Variants in SEMA5A observed in about 807,000 individuals in gnomAD.
SEMA5A encodes semaphorin-5A.
A neutral mutation model predicts 135.5 loss-of-function variants in SEMA5A; 55 were observed. The ratio of observed to expected loss-of-function variants is 0.41; its 90% CI spans 0.33 to 0.51. The LOEUF is 0.51. Ranked by LOEUF, SEMA5A falls within the 20% of genes least tolerant of loss-of-function variation. The pLI, the probability that SEMA5A is intolerant of heterozygous loss-of-function variation, is 0.37. For missense variants in SEMA5A, 1,290 were observed against 1,419.9 expected (o/e 0.91, Z 1.47); for synonymous variants, 580 against 546.5 (o/e 1.06, Z -0.85).
intron 5 of SEMA5A, among the ~76,000 whole-genome samples, chr5:9,243,768 C>T (rs921106053): frequency 6.6e-6 from 1 of 152,162 alleles, no homozygotes; most frequent in Non-Finnish European, 1.5e-5. Context: ...TATTAAGTGG[C>T]AGCCCCAGGA....
At chr5:9,405,868 T>G (rs1174573217) in intron 2 of SEMA5A, among the ~76,000 whole-genome samples, 1 of 152,080 alleles carries the variant, frequency 6.6e-6, no homozygotes, top group Non-Finnish European at 1.5e-5. Context: ...CACCAACTCA[T>G]CCACGGTGAG....
chr5:9,269,684 G>A (rs375757431), intron 5 of SEMA5A, among the ~76,000 whole-genome samples: 17 of 152,170 alleles, frequency 1.1e-4, no homozygotes, highest in East Asian at 7.7e-4. Context: ...TAAAATGTAA[G>A]ATTATACATG....
chr5:9,437,553 C>T (rs1460204193), intron 2 of SEMA5A, among the ~76,000 whole-genome samples: 1 of 152,082 alleles, frequency 6.6e-6, no homozygotes, highest in Non-Finnish European at 1.5e-5. Context: ...GATAGAATTT[C>T]ACCATGTTGG....
chr5:9,045,587 T>C (rs1305627658), intron 21 of SEMA5A, among the ~76,000 whole-genome samples: 2 of 152,208 alleles, frequency 1.3e-5, no homozygotes, highest in African/African-American at 2.4e-5. Context: ...TCAGCACACA[T>C]GTGTGCTGGT....
At chr5:9,285,472 T>C (rs1365098982) in intron 5 of SEMA5A, among the ~76,000 whole-genome samples, 5 of 152,212 alleles carry the variant, frequency 3.3e-5, no homozygotes, top group Admixed American at 3.3e-4. Context: ...CAAGAAACTC[T>C]TTAGTCTCTC....
chr5:9,354,531 G>A (rs531525205), intron 3 of SEMA5A, among the ~76,000 whole-genome samples: 48 of 152,084 alleles, frequency 3.2e-4, no homozygotes, highest in African/African-American at 5.8e-4. Context: ...TCACTAGACC[G>A]TCTGCTCCCA....
At chr5:9,308,702 T>C (rs182075409) in intron 5 of SEMA5A, among the ~76,000 whole-genome samples, 127 of 152,190 alleles carry the variant, frequency 8.3e-4, no homozygotes, top group African/African-American at 3.0e-3. Context: ...GCAGCAATTG[T>C]CCTCTGGAGC....
intron 5 of SEMA5A, among the ~76,000 whole-genome samples, chr5:9,313,403 T>G (rs1429922108): frequency 6.6e-6 from 1 of 152,066 alleles, no homozygotes; most frequent in East Asian, 1.9e-4. Context: ...TTAACGTTAC[T>G]TTTCTTTTCT....
chr5:9,370,512 C>G (rs1422481949), intron 3 of SEMA5A, among the ~76,000 whole-genome samples: 1 of 151,862 alleles, frequency 6.6e-6, no homozygotes, highest in Non-Finnish European at 1.5e-5. Context: ...TAGACTTGCC[C>G]CTGAGTCATA....
intron 3 of SEMA5A, among the ~76,000 whole-genome samples, chr5:9,349,556 A>G (rs1484754511): frequency 6.6e-6 from 1 of 152,218 alleles, no homozygotes; most frequent in Non-Finnish European, 1.5e-5. Flanking sequence ...ATGAAAATGT[A>G]ATGTAAGCTG....
intron 2 of SEMA5A, among the ~76,000 whole-genome samples, chr5:9,406,281 A>G (rs961794393): frequency 6.6e-6 from 1 of 152,228 alleles, no homozygotes; most frequent in African/African-American, 2.4e-5. Flanking sequence ...TAAAGAAAAG[A>G]TAACACAGGC....
chr5:9,391,886 C>G (rs547794718), intron 2 of SEMA5A, among the ~76,000 whole-genome samples: 2 of 152,166 alleles, frequency 1.3e-5, no homozygotes, highest in Non-Finnish European at 2.9e-5. Context: ...ATCCTGACCC[C>G]ACCAACAAAC....
At chr5:9,200,417 ACT>A (rs1745641342) in intron 9 of SEMA5A, among the ~76,000 whole-genome samples, 1 of 152,124 alleles carries the variant, frequency 6.6e-6, no homozygotes, top group Non-Finnish European at 1.5e-5. Flanking sequence ...AGTAAACCAG[ACT>A]CTCCTTGTGC....
chr5:9,067,081 T>C (rs1174222638), intron 16 of SEMA5A, among the ~76,000 whole-genome samples: 1 of 152,202 alleles, frequency 6.6e-6, no homozygotes, highest in East Asian at 1.9e-4. Context: ...GGATCACAGA[T>C]GTGAGGTGTT....
intron 11 of SEMA5A, among the ~76,000 whole-genome samples, chr5:9,187,094 T>C (rs1744849486): frequency 6.7e-6 from 1 of 149,212 alleles, no homozygotes; most frequent in African/African-American, 2.5e-5. Flanking sequence ...TGTCAAAATC[T>C]CTAGTCTTTA....
intron 6 of SEMA5A, among the ~76,000 whole-genome samples, chr5:9,237,002 TC>T (rs1747947654): frequency 6.6e-6 from 1 of 152,186 alleles, no homozygotes; most frequent in African/African-American, 2.4e-5. Context: ...TATATTTTTT[TC>T]CCCAAACTAT....
intron 12 of SEMA5A, among the ~76,000 whole-genome samples, chr5:9,138,970 A>T (rs12519438): frequency 0.36 from 54,945 of 152,112 alleles, 12,440 homozygotes; most frequent in Non-Finnish European, 0.51. Context: ...ATATATATGT[A>T]TCACAGTTTC....
intron 6 of SEMA5A, among the ~76,000 whole-genome samples, chr5:9,229,341 T>TG (rs1170311471): frequency 6.6e-6 from 1 of 152,098 alleles, no homozygotes; most frequent in Non-Finnish European, 1.5e-5. Context: ...TTTTTATTCC[T>TG]GGGGAAGGGT....
At chr5:9,401,774 G>A (rs142552038) in intron 2 of SEMA5A, among the ~76,000 whole-genome samples, 14 of 152,250 alleles carry the variant, frequency 9.2e-5, no homozygotes, top group Admixed American at 2.0e-4. Flanking sequence ...TTAAAGATGA[G>A]AATCAGCCTG....
Sources: gnomAD v4.1 joint callset for allele counts (sites outside exome capture counted in the v4.1 genomes callset) on GRCh38, gnomAD v4.1.1 for gene constraint, MANE v1.5 for transcripts, NCBI Gene and HGNC (gene_info 2026-07-23, HGNC 2026-07-21) for gene names.